SCGN: variants seen among roughly 807,000 people sequenced by gnomAD.
SCGN encodes the protein secretagogin, EF-hand calcium binding protein, also known as secretagogin.
Under a neutral mutation model 39.7 loss-of-function variants are expected in SCGN, and 30 were observed. The observed-to-expected ratio is 0.76, with a 90% confidence interval of 0.57 to 1.03. SCGN has a LOEUF of 1.03. Among genes scored for constraint, SCGN ranks in the 50% least tolerant of loss-of-function variants. The probability of loss-of-function intolerance (pLI) is 0.00; values close to 1 mark genes in which losing one functional copy is unlikely to be tolerated. For synonymous variants in SCGN, 106 were observed against 114.1 expected, an observed-to-expected ratio of 0.93 and a Z score of 0.45; for missense variants, 353 against 349.4, an observed-to-expected ratio of 1.01 and a Z score of -0.08.
chr6:25,684,435 AGT>A (rs1445707991), intron 7 of SCGN, among the ~76,000 whole-genome samples: 2 of 152,168 alleles, frequency 1.3e-5, no homozygotes, highest in African/African-American at 4.8e-5. Flanking sequence ...GGGGGTGCCA[AGT>A]GTATTTCAAA....
rs1233273794 is a variant in SCGN, at chr6:25,664,749, T to C, written c.247-194T>C. ...CATAGTGATTTATACTTAGTAGGAG[T>C]GTGTTACTTTCTGAAAGAATCAATG... On this transcript the variant is annotated intron_variant, in intron 3 of 10. Transcript: ENST00000377961. Among the ~76,000 whole-genome samples, 3 of 152,100 alleles carry C rather than the reference T, an allele frequency of 2.0e-5. No homozygotes were observed. The East Asian group carries it at 5.8e-4, about 29-fold the overall frequency.
chr6:25,700,611 T>C (rs1561772227), intron 10 of SCGN, among the ~76,000 whole-genome samples: 3 of 152,346 alleles, frequency 2.0e-5, no homozygotes, highest in African/African-American at 4.8e-5. Context: ...AAATAACCTA[T>C]GGAGAATCAA....
At position 25,687,155 on chromosome 6, in the gene SCGN, GT is replaced by G. The variant is rs1458859899; in HGVS notation, c.528-2013del. 6.6e-5 allele frequency among the ~76,000 whole-genome samples: 10 copies of G among 152,188 alleles called. No individual in the cohort carries two copies. The East Asian group carries it at 1.2e-3, about 18-fold the overall frequency. On this transcript the variant is annotated intron_variant, in intron 7 of 10. Coordinates refer to ENST00000377961, the MANE Select transcript of SCGN (RefSeq NM_006998.4). The stretch of plus-strand genomic sequence containing the variant: ...AACTTTGTTCCTCTTTTTCAAGATT[GT>G]TTTGGCTATCCTGGTTCATTTGCAT...
chr6:25,681,495 C>T (rs1246867396), intron 6 of SCGN, among the ~76,000 whole-genome samples: 3 of 152,246 alleles, frequency 2.0e-5, no homozygotes, highest in Non-Finnish European at 4.4e-5. Context: ...TAGTTTTCCT[C>T]TTAAGCACAT....
chr6:25,652,659 T>C (rs1315952568), intron 1 of SCGN, among the ~76,000 whole-genome samples, 174 bp downstream of exon 1: 1 of 152,186 alleles, frequency 6.6e-6, no homozygotes, highest in African/African-American at 2.4e-5. Flanking sequence ...GTGATACACA[T>C]CTATATACCT....
intron 10 of SCGN, 116 bp downstream of exon 10, chr6:25,691,240 T>G: frequency 3.1e-5 from 23 of 747,162 alleles, no homozygotes; most frequent in Non-Finnish European, 4.2e-5. Flanking sequence ...TCTAGGGATG[T>G]AGTTTATTTA....
chr6:25,664,417 G>T (rs1021402024), intron 3 of SCGN, among the ~76,000 whole-genome samples: 2 of 152,120 alleles, frequency 1.3e-5, no homozygotes, highest in East Asian at 1.9e-4. Flanking sequence ...CAAAACTTTG[G>T]CAAGTTCCTT....
intron 10 of SCGN, among the ~76,000 whole-genome samples, chr6:25,697,180 G>T (rs1316100162): frequency 6.6e-6 from 1 of 152,150 alleles, no homozygotes; most frequent in East Asian, 1.9e-4. Context: ...AAAAGCAATG[G>T]CAGGTGATAA....
intron 10 of SCGN, among the ~76,000 whole-genome samples, chr6:25,696,378 A>G (rs1178071705): frequency 1.3e-5 from 2 of 151,938 alleles, no homozygotes; most frequent in Admixed American, 6.6e-5. Flanking sequence ...ATCATAGTAT[A>G]TTATTTATAA....
At chr6:25,677,535 T>A (rs561360328) in intron 6 of SCGN, among the ~76,000 whole-genome samples, 7 of 152,266 alleles carry the variant, frequency 4.6e-5, no homozygotes, top group African/African-American at 1.2e-4. Flanking sequence ...AAAGTTTTTT[T>A]AAAAAAATAA....
chr6:25,676,894 G>A (rs933798174), intron 6 of SCGN, among the ~76,000 whole-genome samples: 2 of 152,096 alleles, frequency 1.3e-5, no homozygotes, highest in African/African-American at 4.8e-5. Flanking sequence ...TTAAATGAAT[G>A]AACGCACGAA....
At chr6:25,661,039 A>G (rs1760326633) in intron 2 of SCGN, among the ~76,000 whole-genome samples, 1 of 152,184 alleles carries the variant, frequency 6.6e-6, no homozygotes, top group Non-Finnish European at 1.5e-5. Context: ...TTAACTCGGC[A>G]ATTACCTTAT....
chr6:25,682,342 C>A (rs1429615766), intron 7 of SCGN, among the ~76,000 whole-genome samples: 1 of 151,270 alleles, frequency 6.6e-6, no homozygotes, highest in Non-Finnish European at 1.5e-5. Context: ...TTTACTGGCT[C>A]TGGGAACGTC....
intron 2 of SCGN, among the ~76,000 whole-genome samples, chr6:25,659,168 C>G (rs1760287074): frequency 6.6e-6 from 1 of 152,198 alleles, no homozygotes; most frequent in African/African-American, 2.4e-5. Context: ...AAAGTGTTCC[C>G]TGGTTTTCTA....
At chr6:25,683,324 A>G (rs1404484263) in intron 7 of SCGN, among the ~76,000 whole-genome samples, 3 of 152,158 alleles carry the variant, frequency 2.0e-5, no homozygotes, top group South Asian at 2.1e-4. Flanking sequence ...CATTCAATAG[A>G]TGACAATCTA....
intron 4 of SCGN, among the ~76,000 whole-genome samples, chr6:25,669,190 T>C (rs1407887012): frequency 6.6e-6 from 1 of 152,134 alleles, no homozygotes; most frequent in Non-Finnish European, 1.5e-5. Flanking sequence ...TAGTTTGTCA[T>C]ATTGCCCCAA....
intron 9 of SCGN, 26 bp from the exon 10 acceptor site, chr6:25,691,030 G>A: frequency 6.3e-7 from 1 of 1,596,406 alleles, no homozygotes; most frequent in Non-Finnish European, 8.6e-7. Context: ...ACTGATATTT[G>A]GGCAATTGGA....
chr6:25,657,680 C>CGT (rs1760251446), intron 2 of SCGN, among the ~76,000 whole-genome samples: 1 of 148,438 alleles, frequency 6.7e-6, no homozygotes, highest in African/African-American at 2.5e-5. Context: ...ATATATATTA[C>CGT]GTGTATATAT....
Position 25,686,487 on chromosome 6 carries a change from A to C in SCGN, c.528-2685A>C, listed in dbSNP as rs547803771. The stretch of plus-strand genomic sequence containing the variant: ...TTTTTATGTTTTATTGGCAATTTGT[A>C]TGTCTTCTTTGGAGAAATGTCTGTT... On this transcript the variant is annotated intron_variant, in intron 7 of 10. Coordinates refer to ENST00000377961, the MANE Select transcript of SCGN (RefSeq NM_006998.4). 2.6e-5 allele frequency among the ~76,000 whole-genome samples: 4 copies of C among 152,244 alleles called. No individual in the cohort carries two copies. In the South Asian group the frequency reaches 8.3e-4, roughly 32 times the overall value.
Sources: gnomAD v4.1 joint callset for allele counts (sites outside exome capture counted in the v4.1 genomes callset) on GRCh38, gnomAD v4.1.1 for gene constraint, MANE v1.5 for transcripts, NCBI Gene and HGNC (gene_info 2026-07-23, HGNC 2026-07-21) for gene names.